KIAA1328: variants seen among roughly 807,000 people sequenced by gnomAD.
KIAA1328 encodes KIAA1328, also known as protein hinderin.
A neutral mutation model predicts 68.1 loss-of-function variants in KIAA1328; 52 were observed. That is an observed-to-expected ratio of 0.76 (90% confidence interval 0.61 to 0.96). KIAA1328 has a LOEUF of 0.96. Among genes scored for constraint, KIAA1328 ranks in the 40% least tolerant of loss-of-function variants. The pLI is 0.00. For synonymous variants in KIAA1328, 232 were observed against 239.4 expected (o/e 0.97, Z 0.28); for missense variants, 641 against 677.6 (o/e 0.95, Z 0.60).
intron 7 of KIAA1328, among the ~76,000 whole-genome samples, chr18:37,142,608 C>T (rs1269044618): frequency 1.3e-5 from 2 of 152,056 alleles, no homozygotes; most frequent in African/African-American, 2.4e-5. Context: ...TGTGTACACA[C>T]ACACACACAC....
intron 6 of KIAA1328, among the ~76,000 whole-genome samples, chr18:36,989,472 GGAAGTAACA>G (rs1045690668): frequency 1.3e-5 from 2 of 152,138 alleles, no homozygotes; most frequent in Non-Finnish European, 2.9e-5. Context: ...TGAATGCAGA[GGAAGTAACA>G]GAAGCTCCGA....
intron 6 of KIAA1328, among the ~76,000 whole-genome samples, chr18:37,026,243 CA>C (rs1258868112): frequency 2.0e-5 from 3 of 151,978 alleles, no homozygotes; most frequent in African/African-American, 7.2e-5. Flanking sequence ...AGCTTACCAA[CA>C]AAAAAAGTCC....
chr18:36,999,985 G>T (rs140812306), intron 6 of KIAA1328, among the ~76,000 whole-genome samples: 154 of 152,016 alleles, frequency 1.0e-3, no homozygotes, highest in Non-Finnish European at 1.8e-3. Flanking sequence ...CATTAACAAT[G>T]ACAGGAACAA....
intron 5 of KIAA1328, among the ~76,000 whole-genome samples, chr18:36,893,817 A>G (rs1328753736): frequency 6.6e-6 from 1 of 152,180 alleles, no homozygotes; most frequent in Non-Finnish European, 1.5e-5. Context: ...AACTAAAAAT[A>G]CACAGCAGCC....
chr18:36,960,495 C>T (rs1805989299), intron 6 of KIAA1328, among the ~76,000 whole-genome samples: 1 of 152,240 alleles, frequency 6.6e-6, no homozygotes, highest in African/African-American at 2.4e-5. Context: ...AATGGACAGA[C>T]TGCCTCCTCA....
intron 7 of KIAA1328, among the ~76,000 whole-genome samples, chr18:37,133,909 A>G (rs2058583338): frequency 6.6e-6 from 1 of 152,184 alleles, no homozygotes; most frequent in Admixed American, 6.5e-5. Flanking sequence ...TATTGATGCC[A>G]TATTGTATTT....
intron 6 of KIAA1328, among the ~76,000 whole-genome samples, chr18:36,997,229 T>C (rs1345501998): frequency 6.6e-6 from 1 of 152,228 alleles, no homozygotes; most frequent in Non-Finnish European, 1.5e-5. Flanking sequence ...AACACTTAAC[T>C]ATGAATAGTT....
chr18:37,144,144 A>T (rs1323831837), intron 7 of KIAA1328, among the ~76,000 whole-genome samples: 1 of 152,142 alleles, frequency 6.6e-6, no homozygotes. Flanking sequence ...GTTAGTTTTG[A>T]CAAGTTATAT....
At chr18:37,200,817 CAA>C (rs1304976099) in intron 9 of KIAA1328, among the ~76,000 whole-genome samples, 10 of 53,892 alleles carry the variant, frequency 1.9e-4, no homozygotes, top group Admixed American at 2.0e-4. Context: ...GACTCCGTCT[CAA>C]AAAAAAAAAA....
intron 5 of KIAA1328, among the ~76,000 whole-genome samples, chr18:36,898,205 T>C (rs2048925747): frequency 6.6e-6 from 1 of 152,068 alleles, no homozygotes; most frequent in Non-Finnish European, 1.5e-5. Flanking sequence ...TGTTATCTTC[T>C]ATTTGAAGAT....
At chr18:36,855,603 C>T (rs1445644691) in intron 4 of KIAA1328, among the ~76,000 whole-genome samples, 4 of 148,836 alleles carry the variant, frequency 2.7e-5, no homozygotes, top group Non-Finnish European at 4.5e-5. Context: ...TTTGGGTTTT[C>T]TTTTCAGTTT....
chr18:37,228,182 CAAAG>C (rs544107960), downstream of KIAA1328, among the ~76,000 whole-genome samples: 46 of 152,276 alleles, frequency 3.0e-4, no homozygotes, highest in South Asian at 6.8e-3. Flanking sequence ...TCTGGATGAG[CAAAG>C]AAAGTGGTTT....
intron 7 of KIAA1328, chr18:37,074,897 G>T (rs1333116965): frequency 6.6e-6 from 1 of 152,100 alleles, no homozygotes; most frequent in Non-Finnish European, 1.5e-5. Flanking sequence ...AACCAAGTTG[G>T]AAAACACTCT....
chr18:37,041,416 G>A lies in KIAA1328; in HGVS notation c.577-25474G>A, dbSNP rs185737266. 1.1e-4 allele frequency among the ~76,000 whole-genome samples: 16 copies of A among 151,608 alleles called. No individual in the cohort carries two copies. In the East Asian group the frequency reaches 2.9e-3, roughly 27 times the overall value. ...TCTTTTTCCATCCTTTTACTTTCAA[G>A]TTATTTATATATGAATCTGAAATGT... On this transcript the variant is annotated intron_variant, in intron 6 of 9. Coordinates refer to ENST00000280020, the MANE Select transcript of KIAA1328 (RefSeq NM_020776.3).
intron 6 of KIAA1328, among the ~76,000 whole-genome samples, chr18:37,044,477 T>A (rs2055384240): frequency 6.6e-6 from 1 of 151,982 alleles, no homozygotes; most frequent in Admixed American, 6.6e-5. Flanking sequence ...ACAAGGCTTG[T>A]GTGGGAAATG....
intron 5 of KIAA1328, chr18:36,902,112 T>C (rs1295643901): frequency 6.6e-6 from 1 of 151,998 alleles, no homozygotes; most frequent in Admixed American, 6.6e-5. Context: ...AGCCTTCATT[T>C]TTGCCACATG....
chr18:37,216,564 T>A (rs1045157316), intron 9 of KIAA1328, among the ~76,000 whole-genome samples: 50 of 152,204 alleles, frequency 3.3e-4, no homozygotes, highest in Non-Finnish European at 4.4e-5. Flanking sequence ...GTGGTCAGTT[T>A]TGGAATAAAT....
intron 6 of KIAA1328, among the ~76,000 whole-genome samples, chr18:37,042,591 C>T (rs1239149133): frequency 6.6e-6 from 1 of 152,098 alleles, no homozygotes; most frequent in East Asian, 1.9e-4. Context: ...TTCATTGTTT[C>T]TCATAAGATG....
Position 36,982,280 on chromosome 18 carries a change from C to T in KIAA1328, c.576+22845C>T, listed in dbSNP as rs114141414. On this transcript the variant is annotated intron_variant, in intron 6 of 9. Coordinates refer to ENST00000280020, the MANE Select transcript of KIAA1328 (RefSeq NM_020776.3). Reference sequence around the variant, plus strand: ...AACTATAAACCCATGGATTGAAGTACCTCAGTGAACCTCAAACACATGCAG... The same window carrying T: ...AACTATAAACCCATGGATTGAAGTATCTCAGTGAACCTCAAACACATGCAG... Among the ~76,000 whole-genome samples, 150 of 150,404 alleles carry T rather than the reference C, an allele frequency of 1.0e-3. 2 individuals carry two copies. Among genetic ancestry groups the T allele is most frequent in the African/African-American group, 3.6e-3 (148 of 41,076 alleles).
Sources: gnomAD v4.1 joint callset for allele counts (sites outside exome capture counted in the v4.1 genomes callset) on GRCh38, gnomAD v4.1.1 for gene constraint, MANE v1.5 for transcripts, NCBI Gene and HGNC (gene_info 2026-07-23, HGNC 2026-07-21) for gene names.